Variants in RXRA observed in about 807,000 individuals in gnomAD.
RXRA encodes the protein retinoic acid receptor RXR-alpha.
In RXRA, 5 loss-of-function variants were observed where a neutral mutation model predicts 44.5. The observed-to-expected ratio is 0.11, with a 90% confidence interval of 0.06 to 0.24. The LOEUF (loss-of-function observed/expected upper bound fraction) is 0.24. Among genes scored for constraint, RXRA ranks in the 10% least tolerant of loss-of-function variants. The pLI is 1.00. For missense variants in RXRA, 412 were observed against 646.5 expected (o/e 0.64, Z 3.93); for synonymous variants, 291 against 271.4 (o/e 1.07, Z -0.71).
chr9:134,356,064 G>A (rs1170860034), intron 1 of RXRA, among the ~76,000 whole-genome samples: 4 of 152,236 alleles, frequency 2.6e-5, no homozygotes, highest in African/African-American at 9.6e-5. Context: ...ATCTGGCTTG[G>A]GCCTGTCTCA....
rs1340751048 is a variant in RXRA, at chr9:134,365,751, GC to G, written c.29-35879del. On this transcript the variant is annotated intron_variant, in intron 1 of 9. Transcript: ENST00000481739. The surrounding 1 kb of genome is among the most constrained non-coding windows in gnomAD (Gnocchi z 4.0). ...CAGAGTCTCGGTGGGTCTCGGTGGGGCCAGCTGTCGGTGGGTGAGGTGCCCC... is the reference window on the plus strand; with the variant it reads ...CAGAGTCTCGGTGGGTCTCGGTGGGGCAGCTGTCGGTGGGTGAGGTGCCCC... Among the ~76,000 whole-genome samples the G allele has an allele frequency of 1.3e-5, 2 of 151,252 alleles. No individual in the cohort carries two copies. Among genetic ancestry groups the G allele is most frequent in the Non-Finnish European group, 2.9e-5 (2 of 67,802 alleles).
At chr9:134,398,143 C>T (rs1330272297) in intron 1 of RXRA, among the ~76,000 whole-genome samples, 2 of 152,116 alleles carry the variant, frequency 1.3e-5, no homozygotes, top group African/African-American at 4.8e-5. Context: ...CCATGCCCAG[C>T]TAATTTTTGT....
chr9:134,389,763 C>G (rs538018517), intron 1 of RXRA, among the ~76,000 whole-genome samples: 40 of 152,252 alleles, frequency 2.6e-4, no homozygotes, highest in Non-Finnish European at 4.1e-4. Flanking sequence ...ATGGGGTCAC[C>G]CAGAGTCTGG....
chr9:134,423,024 A>G (rs968349038), intron 6 of RXRA: 23 of 985,460 alleles, frequency 2.3e-5, no homozygotes, highest in Non-Finnish European at 2.8e-5. Flanking sequence ...GGCGGCCAGG[A>G]CGGTGGCTGG....
In RXRA at chr9:134,408,963, T is replaced by C; in HGVS notation, c.454T>C (p.Cys152Arg). ...SSGKHYGVYS[C>R]EGCKGFFKRT... ...AGGCAAGCACTATGGAGTGTACAGC[T>C]GCGAGGGGTGCAAGGGCTTCTTCAA... The change falls in exon 4 of 10, where the codon TGC becomes CGC. Residue 152 changes from cysteine (C) to arginine (R), a missense_variant. This residue lies in a region of RXRA where 48 missense variants were observed against 119.9 expected (regional missense o/e 0.40). Coordinates refer to ENST00000481739, the MANE Select transcript of RXRA (RefSeq NM_002957.6). 1 of 1,599,158 alleles carries C rather than the reference T, an allele frequency of 6.3e-7. No homozygotes were observed. The highest frequency in any genetic ancestry group is 8.5e-7 in the Non-Finnish European group (1 of 1,172,330).
chr9:134,423,107 G>T (rs1180844538), intron 6 of RXRA: 1 of 985,490 alleles, frequency 1.0e-6, no homozygotes, highest in Non-Finnish European at 1.2e-6. Flanking sequence ...CGCAAAGCTG[G>T]TCCCCCACCT....
intron 2 of RXRA, among the ~76,000 whole-genome samples, chr9:134,406,573 G>A (rs1227193424): frequency 6.6e-6 from 1 of 152,190 alleles, no homozygotes; most frequent in Non-Finnish European, 1.5e-5. Flanking sequence ...GCCTCCAAGC[G>A]AGACAGCCAC....
chr9:134,420,273 G>A (rs549716777), intron 5 of RXRA, among the ~76,000 whole-genome samples: 2 of 152,358 alleles, frequency 1.3e-5, no homozygotes, highest in African/African-American at 4.8e-5. Context: ...CGTGACAGAA[G>A]GAGAGGCTGA....
chr9:134,420,173 C>T (rs1005173325), intron 5 of RXRA, among the ~76,000 whole-genome samples: 3 of 152,244 alleles, frequency 2.0e-5, no homozygotes, highest in Non-Finnish European at 4.4e-5. Context: ...CCCATATCCC[C>T]CCGCCCCTGC....
chr9:134,411,848 T>A (rs1157004131), intron 4 of RXRA, among the ~76,000 whole-genome samples: 1 of 152,146 alleles, frequency 6.6e-6, no homozygotes, highest in Non-Finnish European at 1.5e-5. Context: ...GGGAGTCTCT[T>A]GCCTCCCCCA....
rs1450415895 is a variant in RXRA at position 134,349,536 on chromosome 9, G to A, written c.28+22877G>A. Among the ~76,000 whole-genome samples the A allele has an allele frequency of 1.3e-5, 2 of 152,158 alleles. No homozygotes were observed. The highest frequency in any genetic ancestry group is 6.5e-5 in the Admixed American group (1 of 15,282). ...CGGCCCTGAAGCTCGTGGCGGGCAGGAGTGTGCACGGACAGGGACCCAGCA... is the reference window on the plus strand; with the variant it reads ...CGGCCCTGAAGCTCGTGGCGGGCAGAAGTGTGCACGGACAGGGACCCAGCA... On this transcript the variant is annotated intron_variant, in intron 1 of 9. Coordinates refer to ENST00000481739, the MANE Select transcript of RXRA (RefSeq NM_002957.6). This position sits in a 1 kb window ranked among gnomAD's most constrained non-coding sequence, Gnocchi z 4.3.
At chr9:134,337,923 G>C (rs1830031040) in intron 1 of RXRA, among the ~76,000 whole-genome samples, 1 of 152,186 alleles carries the variant, frequency 6.6e-6, no homozygotes, top group Non-Finnish European at 1.5e-5. Context: ...CCGCGTGCCA[G>C]CCCTGAGAGG....
In RXRA at chr9:134,382,886, G is replaced by A. The variant is rs1401068493; in HGVS notation, c.29-18746G>A. ...TGTGGACTCTGCCCCGGTGCTGGGC[G>A]CAGCACCTGTCGAGTTCTTGGAGCG... On this transcript the variant is annotated intron_variant, in intron 1 of 9. Coordinates refer to ENST00000481739, the MANE Select transcript of RXRA (RefSeq NM_002957.6). 3.3e-5 allele frequency among the ~76,000 whole-genome samples: 5 copies of A among 152,222 alleles called. No individual in the cohort carries two copies. The East Asian group carries it at 5.8e-4, about 18-fold the overall frequency.
chr9:134,408,917 C>G, intron 3 of RXRA, 23 bp from the exon 4 acceptor site: 1 of 1,474,996 alleles, frequency 6.8e-7, no homozygotes, highest in Admixed American at 2.3e-5. Context: ...TGCTCCCCAG[C>G]CCTGCTCTGC....
chr9:134,369,640 C>T (rs73663465), intron 1 of RXRA, among the ~76,000 whole-genome samples: 12,595 of 152,042 alleles, frequency 0.083, 1,684 homozygotes, highest in African/African-American at 0.29. Context: ...TCCAGCCCCA[C>T]CCAGGGCCTC....
chr9:134,399,143 T>C (rs912538492), intron 1 of RXRA, among the ~76,000 whole-genome samples: 3 of 152,356 alleles, frequency 2.0e-5, no homozygotes, highest in Admixed American at 6.5e-5. Flanking sequence ...AGGAAGAAGC[T>C]GGCTCAGGTT....
At chr9:134,359,559 C>T (rs1216700227) in intron 1 of RXRA, among the ~76,000 whole-genome samples, 1 of 152,266 alleles carries the variant, frequency 6.6e-6, no homozygotes, top group East Asian at 1.9e-4. Context: ...GGTGAGGGTG[C>T]CCGCCTGGGG....
intron 1 of RXRA, among the ~76,000 whole-genome samples, chr9:134,370,322 C>T (rs1830475828): frequency 6.6e-6 from 1 of 152,214 alleles, no homozygotes; most frequent in South Asian, 2.1e-4. Flanking sequence ...TGGCAGGGCT[C>T]TCTGCCCTCG....
rs35862336 is a variant in RXRA at position 134,417,346 on chromosome 9, A to G, written c.780+19A>G. ...CAGCTCGGTGAGTTGCAGCCTGTGC[A>G]GGGGTGGGCAGCCTCACATGCCTCA... On this transcript the variant is annotated intron_variant, in intron 5 of 9. Coordinates refer to ENST00000481739, the MANE Select transcript of RXRA (RefSeq NM_002957.6). This position sits in a 1 kb window ranked among gnomAD's most constrained non-coding sequence, Gnocchi z 6.1. 7.5e-3 allele frequency: 11,984 copies of G among 1,608,408 alleles called. 62 individuals are homozygous for G. Among genetic ancestry groups the G allele is most frequent in the Non-Finnish European group, 9.4e-3 (11,048 of 1,176,178 alleles).
Sources: gnomAD v4.1 joint callset for allele counts (sites outside exome capture counted in the v4.1 genomes callset) on GRCh38, gnomAD v4.1.1 for gene constraint, gnomAD v4.1.1 regional missense constraint, Gnocchi (gnomAD v3.1) non-coding constraint, MANE v1.5 for transcripts, NCBI Gene and HGNC (gene_info 2026-07-23, HGNC 2026-07-21) for gene names.